PIGN: variants seen among roughly 807,000 people sequenced by gnomAD.
The protein encoded by PIGN is GPI ethanolamine phosphate transferase 1.
A neutral mutation model predicts 125.4 loss-of-function variants in PIGN; 117 were observed. The observed-to-expected ratio is 0.93, with a 90% confidence interval of 0.80 to 1.09. The LOEUF (loss-of-function observed/expected upper bound fraction) is 1.09. Ranked by LOEUF, PIGN falls within the 50% of genes least tolerant of loss-of-function variation. The pLI, the probability that PIGN is intolerant of heterozygous loss-of-function variation, is 0.00. For missense variants in PIGN, 1,075 were observed against 1,094.9 expected (o/e 0.98, Z 0.26); for synonymous variants, 392 against 377.8 (o/e 1.04, Z -0.44).
chr18:62,029,713 G>A (rs2030168187), intron 23 of PIGN, among the ~76,000 whole-genome samples: 1 of 152,154 alleles, frequency 6.6e-6, no homozygotes, highest in Admixed American at 6.5e-5. Flanking sequence ...AACAGAGAGA[G>A]CAGAACAGAA....
intron 25 of PIGN, 200 bp downstream of exon 25, chr18:62,088,556 T>C (rs936998342): frequency 5.7e-5 from 21 of 366,282 alleles, no homozygotes; most frequent in African/African-American, 3.4e-4. Flanking sequence ...GGAATATATA[T>C]ATATACATAC....
intron 1 of PIGN, among the ~76,000 whole-genome samples, chr18:62,176,635 C>G (rs2037533187): frequency 6.6e-6 from 1 of 151,578 alleles, no homozygotes; most frequent in South Asian, 2.1e-4. Flanking sequence ...TGTATAATCT[C>G]AATCTAATAA....
intron 7 of PIGN, among the ~76,000 whole-genome samples, chr18:62,151,793 T>C (rs1359768212): frequency 6.6e-6 from 1 of 152,258 alleles, no homozygotes; most frequent in African/African-American, 2.4e-5. Context: ...TTGAGGTTGC[T>C]GCAGATCCTT....
At chr18:62,155,014 C>T (rs1216582386) in intron 6 of PIGN, among the ~76,000 whole-genome samples, 1 of 152,062 alleles carries the variant, frequency 6.6e-6, no homozygotes, top group Non-Finnish European at 1.5e-5. Flanking sequence ...AACATGTGTG[C>T]CCCTTAGAAT....
chr18:62,030,792 G>A (rs750500085), intron 23 of PIGN, among the ~76,000 whole-genome samples: 11 of 152,110 alleles, frequency 7.2e-5, no homozygotes, highest in Non-Finnish European at 1.5e-4. Context: ...CACTGCATGT[G>A]CCTTTGGGGA....
At chr18:62,066,253 C>A (rs1241368236) in intron 30 of PIGN, among the ~76,000 whole-genome samples, 2 of 152,134 alleles carry the variant, frequency 1.3e-5, no homozygotes, top group Non-Finnish European at 2.9e-5. Context: ...GCCTACACAC[C>A]CCATGGCAGC....
Position 62,147,058 on chromosome 18 carries a change from C to A in PIGN, c.718G>T (p.Glu240Ter), listed in dbSNP as rs768712648. ...AAGTGGTTAAACATAGACACGATTT[C>A]TTTAACTCCATCATCAACTTTTTTA... ...NIKKVDDGVKEIVSMFNHFYG... is the reference protein window; with the variant it reads ...NIKKVDDGVK The change falls in exon 9 of 31, where the codon GAA (glutamate) becomes TAA (stop). Residue 240 changes from glutamate (E) to a stop codon, truncating the protein, a stop_gained. Coordinates refer to ENST00000640252, the MANE Select transcript of PIGN (RefSeq NM_176787.5). LOFTEE classifies it high-confidence loss of function. 6.2e-7 allele frequency: 1 copy of A among 1,608,446 alleles called. No homozygotes were observed. The highest frequency in any genetic ancestry group is 1.1e-5 in the South Asian group (1 of 90,756).
At chr18:62,109,769 C>T in intron 17 of PIGN, 65 bp downstream of exon 17, 1 of 1,388,116 alleles carries the variant, frequency 7.2e-7, no homozygotes, top group Non-Finnish European at 9.9e-7. Context: ...AAATCTACTG[C>T]ATTTTAAATA....
rs2030362137 is a variant in PIGN at position 62,041,288 on chromosome 18, T to C, written c.*4568A>G. ...TGAACCGAATGCAATCTGGTACCAC[T>C]GGCCTTTCCCACATGAAAGACTAAA... On this transcript the variant is annotated 3_prime_UTR_variant, in exon 31 of 31. Coordinates refer to ENST00000640252, the MANE Select transcript of PIGN (RefSeq NM_176787.5). 6.6e-6 allele frequency: 1 copy of C among 152,196 alleles called. No homozygotes were observed. The highest frequency in any genetic ancestry group is 2.4e-5 in the African/African-American group (1 of 41,428). The allele number at this position is 152,196 out of a possible 1,614,324, so 9.4% of individuals were successfully genotyped here. A position where few individuals can be genotyped will look rare whatever the true frequency, so the allele number is the denominator to read the frequency against.
At chr18:62,174,086 C>G (rs73448911) in intron 1 of PIGN, among the ~76,000 whole-genome samples, 13 of 152,052 alleles carry the variant, frequency 8.5e-5, no homozygotes, top group African/African-American at 3.1e-4. Flanking sequence ...TGGTGGCGGG[C>G]ACCTGTAATC....
In PIGN at chr18:62,045,687, G is replaced by A. The variant is rs2030617569; in HGVS notation, c.*169C>T. 2 of 505,042 alleles carry A rather than the reference G, an allele frequency of 4.0e-6. No homozygotes were observed. Among genetic ancestry groups the A allele is most frequent in the South Asian group, 4.0e-5 (1 of 24,752 alleles). 31.3% of individuals were successfully genotyped at this position (505,042 alleles called of 1,614,324 possible). A position where few individuals can be genotyped will look rare whatever the true frequency, so the allele number is the denominator to read the frequency against. ...TGCCTGCAAAACCTAGAAAAAAAAA[G>A]AAGCTCCTTTGTTCCAGATAACCTG... On this transcript the variant is annotated 3_prime_UTR_variant, in exon 31 of 31. Transcript: ENST00000640252.
In PIGN at chr18:62,043,444, A is replaced by C. The variant is rs1004516614; in HGVS notation, c.*2412T>G. 1.3e-5 allele frequency: 2 copies of C among 152,192 alleles called. No homozygotes were observed. Among genetic ancestry groups the C allele is most frequent in the Non-Finnish European group, 1.5e-5 (1 of 68,030 alleles). The allele number at this position is 152,192 out of a possible 1,614,324, so 9.4% of individuals were successfully genotyped here. A position where few individuals can be genotyped will look rare whatever the true frequency, so the allele number is the denominator to read the frequency against. On this transcript the variant is annotated 3_prime_UTR_variant, in exon 31 of 31. Transcript: ENST00000640252. ...GTCGCAGGAGGGGAGGAGGATTGAC[A>C]CTGATGTTCTTAATATCTGAGTTGG...
At chr18:62,137,412 A>T (rs929956461) in intron 14 of PIGN, 3 of 285,620 alleles carry the variant, frequency 1.1e-5, no homozygotes, top group African/African-American at 6.6e-5. Context: ...GTGAGTCAAT[A>T]CTCCTTAATA....
At chr18:62,027,938 GAAAAGA>G (rs1252642648) in intron 23 of PIGN, among the ~76,000 whole-genome samples, 2 of 152,170 alleles carry the variant, frequency 1.3e-5, no homozygotes, top group South Asian at 2.1e-4. Context: ...AGAAAGAAAA[GAAAAGA>G]AAAAGAAAAA....
intron 1 of PIGN, among the ~76,000 whole-genome samples, chr18:62,177,712 T>C (rs2037574864): frequency 6.6e-6 from 1 of 152,226 alleles, no homozygotes; most frequent in African/African-American, 2.4e-5. Flanking sequence ...TTTTGTTTAG[T>C]AACTTTTCCA....
chr18:62,035,146 CTT>C (rs1241226788), intron 23 of PIGN, among the ~76,000 whole-genome samples: 1 of 152,126 alleles, frequency 6.6e-6, no homozygotes, highest in Non-Finnish European at 1.5e-5. Context: ...TGAGACATGA[CTT>C]TGCTCCTCAT....
rs56189211 is a variant in PIGN, at chr18:62,140,563, A to T, written c.964-84T>A. 0.24 allele frequency: 162,778 copies of T among 672,558 alleles called. 21,060 individuals carry two copies. The highest frequency in any genetic ancestry group is 0.34 in the Middle Eastern group (1,143 of 3,398). The allele number at this position is 672,558 out of a possible 1,614,324, so 41.7% of individuals were successfully genotyped here. A position where few individuals can be genotyped will look rare whatever the true frequency, so the allele number is the denominator to read the frequency against. On this transcript the variant is annotated intron_variant, in intron 11 of 30. Transcript: ENST00000640252. Reference sequence around the variant, plus strand: ...AATGTAATGCAACCATATTTTGGAAAATAACCATGATATTTGTTATAATCA... The same window carrying T: ...AATGTAATGCAACCATATTTTGGAATATAACCATGATATTTGTTATAATCA...
At chr18:62,183,827 A>G (rs1352212432) in intron 1 of PIGN, among the ~76,000 whole-genome samples, 1 of 148,874 alleles carries the variant, frequency 6.7e-6, no homozygotes, top group Non-Finnish European at 1.5e-5. Context: ...ACAAGATGTG[A>G]AGACTGAAAA....
intron 14 of PIGN, among the ~76,000 whole-genome samples, chr18:62,133,859 A>G (rs955839545): frequency 2.0e-5 from 3 of 152,238 alleles, no homozygotes; most frequent in Non-Finnish European, 4.4e-5. Context: ...ACACAAGGGC[A>G]TAATAACTCT....
Sources: gnomAD v4.1 joint callset for allele counts (sites outside exome capture counted in the v4.1 genomes callset) on GRCh38, gnomAD v4.1.1 for gene constraint, MANE v1.5 for transcripts, NCBI Gene and HGNC (gene_info 2026-07-23, HGNC 2026-07-21) for gene names.